Variants in BCO1 observed in about 807,000 individuals in gnomAD.
The protein encoded by BCO1 is beta-carotene oxygenase 1, also known as beta,beta-carotene 15,15'-dioxygenase.
In BCO1, 54 loss-of-function variants were observed where a neutral mutation model predicts 56.3. The ratio of observed to expected loss-of-function variants is 0.96; its 90% CI spans 0.77 to 1.20. The LOEUF (loss-of-function observed/expected upper bound fraction) is 1.20, where lower values mean the gene tolerates loss of function less well. BCO1 is among the 50% of genes most tolerant of loss of function. The pLI is 0.00. For missense variants in BCO1, 801 were observed against 690.9 expected (o/e 1.16, Z -1.79); for synonymous variants, 318 against 266.1 (o/e 1.20, Z -1.90).
At chr16:81,264,479 G>A (rs1567453709) in intron 4 of BCO1, among the ~76,000 whole-genome samples, 161 bp from the exon 5 acceptor site, 1 of 152,194 alleles carries the variant, frequency 6.6e-6, no homozygotes, top group Non-Finnish European at 1.5e-5. Flanking sequence ...ATCGTTTTCA[G>A]ATCAACAGAG....
chr16:81,282,799 C>G (rs1281008991), intron 8 of BCO1, among the ~76,000 whole-genome samples: 2 of 152,134 alleles, frequency 1.3e-5, no homozygotes, highest in Non-Finnish European at 2.9e-5. Context: ...GCTACCCATC[C>G]AATCCTCCCA....
intron 2 of BCO1, among the ~76,000 whole-genome samples, chr16:81,249,082 C>CTCTT (rs1033373143): frequency 5.6e-5 from 7 of 125,628 alleles, no homozygotes; most frequent in Non-Finnish European, 8.5e-5. Flanking sequence ...CCTCCATGGT[C>CTCTT]TCTTTCTTTC....
chr16:81,271,394 C>T (rs1052378139), intron 7 of BCO1, among the ~76,000 whole-genome samples: 4 of 152,172 alleles, frequency 2.6e-5, no homozygotes, highest in Admixed American at 1.3e-4. Context: ...AGATTACAGG[C>T]GTGAGCCACC....
chr16:81,245,365 C>G, intron 1 of BCO1, 110 bp from the exon 2 acceptor site: 1 of 1,495,916 alleles, frequency 6.7e-7, no homozygotes, highest in South Asian at 1.1e-5. Context: ...CGAACAGATG[C>G]AAGGAGTGGT....
Position 81,290,553 on chromosome 16 carries a change from C to A in BCO1, c.1620C>A (p.Asp540Glu). ...ASEEQRDRAS[D>E]CHGAPLT ...AGGAACAGCGGGACAGGGCTTCCGA[C>A]TGCCACGGGGCTCCTCTGACCTGAT... The change falls in exon 11 of 11, where the codon GAC (aspartate) becomes GAA (glutamate). Residue 540 changes from aspartate to glutamate, a missense_variant. Asp to Glu is a conservative substitution (Grantham distance 45, BLOSUM62 2). Coordinates refer to ENST00000258168, the MANE Select transcript of BCO1 (RefSeq NM_017429.3). 6.2e-7 allele frequency: 1 copy of A among 1,613,854 alleles called. No homozygotes were observed. The highest frequency in any genetic ancestry group is 8.5e-7 in the Non-Finnish European group (1 of 1,180,030).
rs1007277931 is a variant in BCO1, at chr16:81,255,204, A to C, written c.194-4472A>C. ...AGGAGTGATTTTAATTGGAAGGTGC[A>C]GACAGAACACTCAAACTGATTGTTC... is the stretch of plus-strand genomic sequence containing the variant. On this transcript the variant is annotated intron_variant, in intron 2 of 10. Coordinates refer to ENST00000258168, the MANE Select transcript of BCO1 (RefSeq NM_017429.3). Among the ~76,000 whole-genome samples, 16 of 152,222 alleles carry C rather than the reference A, an allele frequency of 1.1e-4. 1 individual carries two copies. In the Middle Eastern group the frequency reaches 9.5e-3, roughly 90 times the overall value.
At chr16:81,247,762 G>T (rs561555120) in intron 2 of BCO1, among the ~76,000 whole-genome samples, 1 of 152,038 alleles carries the variant, frequency 6.6e-6, no homozygotes, top group Non-Finnish European at 1.5e-5. Flanking sequence ...CCAACCTCAG[G>T]TGATCTGCCC....
rs900654819 is a variant in BCO1 at position 81,290,252 on chromosome 16, A to G, written c.1415-96A>G. On this transcript the variant is annotated intron_variant, in intron 10 of 10. Coordinates refer to ENST00000258168, the MANE Select transcript of BCO1 (RefSeq NM_017429.3). ...ACTCCCTCCTGTTTTGGTTAGATACATATGTTTAAAGAGGGCAGAGAGACA... is the reference window on the plus strand; with the variant it reads ...ACTCCCTCCTGTTTTGGTTAGATACGTATGTTTAAAGAGGGCAGAGAGACA... The G allele has an allele frequency of 3.7e-5, 38 of 1,034,888 alleles. No individual in the cohort carries two copies. The African/African-American group carries it at 4.1e-4, about 11-fold the overall frequency. The allele number at this position is 1,034,888 out of a possible 1,614,324, so 64.1% of individuals were successfully genotyped here.
chr16:81,264,849 T>C, intron 5 of BCO1, 62 bp downstream of exon 5: 4 of 1,588,924 alleles, frequency 2.5e-6, no homozygotes, highest in Non-Finnish European at 2.6e-6. Context: ...TTCTGAAGAG[T>C]TCTGTTTTTC....
At chr16:81,286,714 G>T (rs1908200587) in intron 9 of BCO1, among the ~76,000 whole-genome samples, 1 of 151,950 alleles carries the variant, frequency 6.6e-6, no homozygotes, top group African/African-American at 2.4e-5. Context: ...AATTTTAAAA[G>T]ATTTTAATTT....
intron 7 of BCO1, among the ~76,000 whole-genome samples, chr16:81,272,053 T>C (rs1398267284): frequency 1.3e-5 from 2 of 148,204 alleles, no homozygotes; most frequent in African/African-American, 5.0e-5. Context: ...GGCCAGTACT[T>C]CATTTCTTTT....
At chr16:81,271,329 G>C (rs966366120) in intron 7 of BCO1, among the ~76,000 whole-genome samples, 1 of 151,486 alleles carries the variant, frequency 6.6e-6, no homozygotes, top group Non-Finnish European at 1.5e-5. Context: ...TGCTCAGGCT[G>C]TTCTCGAACT....
chr16:81,288,993 G>A (rs561621941), intron 10 of BCO1, among the ~76,000 whole-genome samples: 17 of 152,308 alleles, frequency 1.1e-4, no homozygotes, highest in Non-Finnish European at 2.1e-4. Flanking sequence ...TGTTCAGGTC[G>A]TTCTCCCACT....
chr16:81,287,986 C>T (rs1485268419), intron 10 of BCO1, among the ~76,000 whole-genome samples: 1 of 152,106 alleles, frequency 6.6e-6, no homozygotes, highest in Non-Finnish European at 1.5e-5. Flanking sequence ...AGATCAAGTT[C>T]ATACCACACG....
chr16:81,240,218 A>G (rs942265547), intron 1 of BCO1, among the ~76,000 whole-genome samples: 2 of 152,142 alleles, frequency 1.3e-5, no homozygotes, highest in Admixed American at 6.6e-5. Flanking sequence ...AGGAAATAAA[A>G]TCAGCTGTAT....
In BCO1 at chr16:81,290,534, A is replaced by G. The variant is rs1908404236; in HGVS notation, c.1601A>G (p.Gln534Arg). The part of the protein sequence containing the change: ...DTKKQAASEE[Q>R]RDRASDCHGA... The stretch of plus-strand genomic sequence containing the variant: ...AAAAAGCAGGCCGCTTCTGAGGAAC[A>G]GCGGGACAGGGCTTCCGACTGCCAC... Residue 534 changes from glutamine to arginine, a missense_variant, in exon 11 of 11, where the codon CAG becomes CGG. Coordinates refer to ENST00000258168, the MANE Select transcript of BCO1 (RefSeq NM_017429.3). The G allele has an allele frequency of 3.7e-6, 6 of 1,614,136 alleles. No homozygotes were observed. In the East Asian group the frequency reaches 6.7e-5, roughly 18 times the overall value.
rs1905812844 is a variant in BCO1 at position 81,251,809 on chromosome 16, A to G, written c.193+6206A>G. ...GTCATTGTCCCACCAGGATTTGAAC[A>G]TTGGAAAGTTTCTTTTATATATACC... On this transcript the variant is annotated intron_variant, in intron 2 of 10. Coordinates refer to ENST00000258168, the MANE Select transcript of BCO1 (RefSeq NM_017429.3). Among the ~76,000 whole-genome samples the G allele has an allele frequency of 2.0e-5, 3 of 151,574 alleles. No homozygotes were observed. In the South Asian group the frequency reaches 6.3e-4, roughly 32 times the overall value.
At chr16:81,244,229 G>T (rs900939534) in intron 1 of BCO1, among the ~76,000 whole-genome samples, 3 of 152,202 alleles carry the variant, frequency 2.0e-5, no homozygotes, top group African/African-American at 7.2e-5. Flanking sequence ...ATTTTCTGCA[G>T]CACCCTGCCT....
intron 2 of BCO1, among the ~76,000 whole-genome samples, chr16:81,254,925 C>T (rs1045011020): frequency 2.6e-5 from 4 of 152,134 alleles, no homozygotes; most frequent in African/African-American, 9.7e-5. Context: ...GCCTCCTGAA[C>T]AGCTGGGACT....
Sources: gnomAD v4.1 joint callset for allele counts (sites outside exome capture counted in the v4.1 genomes callset) on GRCh38, gnomAD v4.1.1 for gene constraint, MANE v1.5 for transcripts, NCBI Gene and HGNC (gene_info 2026-07-23, HGNC 2026-07-21) for gene names.